Variants in CCDC178 observed in about 807,000 individuals in gnomAD.
CCDC178 encodes the protein coiled-coil domain containing 178.
A neutral mutation model predicts 117.4 loss-of-function variants in CCDC178; 126 were observed. The observed-to-expected ratio is 1.07, with a 90% CI of 0.93 to 1.24. The LOEUF (loss-of-function observed/expected upper bound fraction) is 1.24, where lower values mean the gene tolerates loss of function less well. CCDC178 is among the 50% of genes most tolerant of loss of function. CCDC178 has a pLI of 0.00. For synonymous variants in CCDC178, 283 were observed against 313.4 expected, an observed-to-expected ratio of 0.90 and a Z score of 1.02; for missense variants, 1,030 against 986.9, an observed-to-expected ratio of 1.04 and a Z score of -0.59.
intron 22 of CCDC178, among the ~76,000 whole-genome samples, chr18:32,948,079 C>G (rs2054395285): frequency 6.6e-6 from 1 of 151,982 alleles, no homozygotes; most frequent in Non-Finnish European, 1.5e-5. Context: ...GATCCAATGC[C>G]TCATTTTTTT....
chr18:33,232,940 C>T (rs1054085329), intron 15 of CCDC178, among the ~76,000 whole-genome samples: 4 of 152,032 alleles, frequency 2.6e-5, no homozygotes, highest in African/African-American at 7.2e-5. Flanking sequence ...GATTTAAACA[C>T]TATTCTATTA....
chr18:33,435,572 C>G (rs2144984482), intron 2 of CCDC178, among the ~76,000 whole-genome samples: 1 of 151,348 alleles, frequency 6.6e-6, no homozygotes, highest in Middle Eastern at 3.5e-3. Context: ...AGTAACACTA[C>G]AGAGAGAGAG....
chr18:33,423,361 T>C (rs2064058778), intron 2 of CCDC178, among the ~76,000 whole-genome samples: 1 of 152,190 alleles, frequency 6.6e-6, no homozygotes, highest in Non-Finnish European at 1.5e-5. Flanking sequence ...AATAATAGTA[T>C]ACTGTAAAAA....
intron 3 of CCDC178, among the ~76,000 whole-genome samples, chr18:33,411,229 G>A (rs1056054282): frequency 1.3e-5 from 2 of 152,180 alleles, no homozygotes; most frequent in Non-Finnish European, 2.9e-5. Flanking sequence ...ACTACCTATT[G>A]TTCTCAAAGT....
At chr18:33,123,008 A>T (rs2057957750) in intron 20 of CCDC178, among the ~76,000 whole-genome samples, 2 of 152,062 alleles carry the variant, frequency 1.3e-5, no homozygotes, top group Non-Finnish European at 2.9e-5. Context: ...ATGCTTGGTG[A>T]CCCTGAATAA....
At chr18:33,229,548 A>C (rs952936713) in intron 15 of CCDC178, among the ~76,000 whole-genome samples, 1 of 152,160 alleles carries the variant, frequency 6.6e-6, no homozygotes, top group South Asian at 2.1e-4. Context: ...ACATAGGAAA[A>C]CTGACAGAGA....
chr18:33,086,439 C>T lies in CCDC178; in HGVS notation c.2388+6322G>A, dbSNP rs538366882. ...ATAAATATATATACACACACACACA[C>T]ACACACATATATATATATAGCGAGA... On this transcript the variant is annotated intron_variant, in intron 21 of 22. Transcript: ENST00000383096. 5.1e-4 allele frequency among the ~76,000 whole-genome samples: 77 copies of T among 150,630 alleles called. 1 individual carries two copies. In the East Asian group the frequency reaches 0.011, roughly 21 times the overall value.
In CCDC178 at chr18:33,439,982, C is replaced by T. The variant is rs1177310739; in HGVS notation, c.-43G>A. ...CTCACCTGTAAAGGGGAGGTGTTGG[C>T]GTGGATCATCTTATTTGGGGTGCTT... On this transcript the variant is annotated 5_prime_UTR_variant, in exon 2 of 23. Transcript: ENST00000383096. 1 of 152,152 alleles carries T rather than the reference C, an allele frequency of 6.6e-6. No individual in the cohort carries two copies. The highest frequency in any genetic ancestry group is 1.9e-4 in the East Asian group (1 of 5,160). 9.4% of individuals were successfully genotyped at this position (152,152 alleles called of 1,614,324 possible).
At chr18:33,300,182 C>T (rs1327412091) in intron 11 of CCDC178, among the ~76,000 whole-genome samples, 2 of 152,182 alleles carry the variant, frequency 1.3e-5, no homozygotes, top group Non-Finnish European at 2.9e-5. Flanking sequence ...TGCTTGCCTG[C>T]TCCCACTTCA....
intron 3 of CCDC178, among the ~76,000 whole-genome samples, chr18:33,399,328 G>A (rs1380031092): frequency 6.6e-6 from 1 of 152,220 alleles, no homozygotes; most frequent in Non-Finnish European, 1.5e-5. Flanking sequence ...AGGTTGGAGT[G>A]TCTGTGGTTA....
chr18:33,282,842 C>G (rs1381018921), intron 12 of CCDC178, among the ~76,000 whole-genome samples: 1 of 152,152 alleles, frequency 6.6e-6, no homozygotes, highest in Admixed American at 6.5e-5. Context: ...GTGCCTCCCC[C>G]TTGTGTTAAT....
intron 21 of CCDC178, among the ~76,000 whole-genome samples, chr18:33,023,508 G>A (rs1255660633): frequency 6.6e-6 from 1 of 152,036 alleles, no homozygotes; most frequent in Non-Finnish European, 1.5e-5. Flanking sequence ...AGTTTAAAAA[G>A]TACATTGAAC....
intron 10 of CCDC178, among the ~76,000 whole-genome samples, chr18:33,326,094 G>A (rs1210702345): frequency 6.6e-6 from 1 of 152,188 alleles, no homozygotes; most frequent in Non-Finnish European, 1.5e-5. Context: ...AGCTCCAAAG[G>A]AGAGATGGCT....
At chr18:33,202,616 T>A (rs1000327110) in intron 20 of CCDC178, among the ~76,000 whole-genome samples, 1 of 152,122 alleles carries the variant, frequency 6.6e-6, no homozygotes, top group Non-Finnish European at 1.5e-5. Context: ...TCCTATTCCA[T>A]CAGTGCCTCA....
At chr18:33,440,254 G>A (rs1440813314) in intron 1 of CCDC178, among the ~76,000 whole-genome samples, 173 bp from the exon 2 acceptor site, 3 of 148,974 alleles carry the variant, frequency 2.0e-5, no homozygotes, top group Non-Finnish European at 4.5e-5. Context: ...GCGGCCAGCG[G>A]AGGGAGACTC....
intron 21 of CCDC178, among the ~76,000 whole-genome samples, chr18:33,082,397 A>AGGAG (rs1267315172): frequency 6.6e-6 from 1 of 152,144 alleles, no homozygotes; most frequent in African/African-American, 2.4e-5. Flanking sequence ...ACCTGAGCCC[A>AGGAG]GGAGGCAGAG....
At chr18:33,413,266 C>T (rs1402284057) in intron 2 of CCDC178, among the ~76,000 whole-genome samples, 3 of 151,994 alleles carry the variant, frequency 2.0e-5, no homozygotes, top group Admixed American at 6.6e-5. Flanking sequence ...AAAGAAAACC[C>T]TAAATCCAAG....
chr18:33,097,797 C>T (rs1314558629), intron 20 of CCDC178, among the ~76,000 whole-genome samples: 1 of 152,084 alleles, frequency 6.6e-6, no homozygotes, highest in Non-Finnish European at 1.5e-5. Context: ...AGCATTTTGA[C>T]ATAGGTAAAA....
chr18:33,170,056 TTGTG>T (rs35832872), intron 20 of CCDC178, among the ~76,000 whole-genome samples: 7 of 148,298 alleles, frequency 4.7e-5, no homozygotes, highest in Middle Eastern at 3.2e-3. Context: ...TCCCAGGCAT[TTGTG>T]TGTGTGTGTG....
Sources: allele counts gnomAD v4.1 joint callset (sites outside exome capture counted in the v4.1 genomes callset), GRCh38; gene constraint gnomAD v4.1.1; transcripts MANE v1.5; gene names NCBI Gene and HGNC (gene_info 2026-07-23, HGNC 2026-07-21).